DOCK1: variants seen among roughly 807,000 people sequenced by gnomAD.
DOCK1 encodes the protein dedicator of cytokinesis protein 1.
DOCK1 carries 138 observed loss-of-function variants against 262.7 expected under a neutral mutation model. The observed-to-expected ratio is 0.53, with a 90% CI of 0.46 to 0.61. The LOEUF (loss-of-function observed/expected upper bound fraction) is 0.61. Ranked by LOEUF, DOCK1 falls within the 20% of genes least tolerant of loss-of-function variation. The pLI is 0.00. For synonymous variants in DOCK1, 866 were observed against 867.4 expected (o/e 1.00, Z 0.03); for missense variants, 1,908 against 2,370.7 (o/e 0.80, Z 4.05).
At chr10:126,911,398 C>T (rs181670122) in intron 1 of DOCK1, among the ~76,000 whole-genome samples, 22 of 152,192 alleles carry the variant, frequency 1.4e-4, no homozygotes, top group African/African-American at 3.9e-4. Flanking sequence ...GTGAAATTGT[C>T]CAGTGTATTC....
chr10:127,093,010 G>A lies in DOCK1; in HGVS notation c.2446-13221G>A, dbSNP rs534367700. Reference sequence around the variant, plus strand: ...CTGGAGGCCAGAAGTCCAAGAGCAAGGCATCACCAGGGCCGTGCCCTCTCT... The same window carrying A: ...CTGGAGGCCAGAAGTCCAAGAGCAAAGCATCACCAGGGCCGTGCCCTCTCT... On this transcript the variant is annotated intron_variant, in intron 23 of 51. Coordinates refer to ENST00000623213, the MANE Select transcript of DOCK1 (RefSeq NM_001290223.2). Among the ~76,000 whole-genome samples, 17 of 152,140 alleles carry A rather than the reference G, an allele frequency of 1.1e-4. No individual in the cohort carries two copies. The East Asian group carries it at 3.1e-3, about 28-fold the overall frequency.
At chr10:126,915,676 C>A (rs1315232921) in intron 1 of DOCK1, among the ~76,000 whole-genome samples, 1 of 152,218 alleles carries the variant, frequency 6.6e-6, no homozygotes, top group East Asian at 1.9e-4. Flanking sequence ...TGGTCTCGAT[C>A]TCCTGACCTC....
intron 25 of DOCK1, among the ~76,000 whole-genome samples, chr10:127,111,800 A>G (rs779830458): frequency 6.6e-6 from 1 of 152,162 alleles, no homozygotes; most frequent in African/African-American, 2.4e-5. Context: ...ATCTTCATCA[A>G]ATTAACAGCT....
At chr10:126,952,265 A>G (rs2036317463) in intron 1 of DOCK1, among the ~76,000 whole-genome samples, 1 of 151,842 alleles carries the variant, frequency 6.6e-6, no homozygotes, top group South Asian at 2.1e-4. Context: ...TGGTAATAGC[A>G]TTGTTATTGT....
intron 27 of DOCK1, among the ~76,000 whole-genome samples, chr10:127,170,609 G>C (rs1052454698): frequency 1.6e-5 from 2 of 127,776 alleles, no homozygotes; most frequent in Non-Finnish European, 3.5e-5. Context: ...GTAGTTGCTG[G>C]TGAGTTTACC....
chr10:127,073,478 T>A (rs1049963862), intron 23 of DOCK1, among the ~76,000 whole-genome samples: 3 of 152,220 alleles, frequency 2.0e-5, no homozygotes, highest in African/African-American at 7.2e-5. Flanking sequence ...AATTGATTCA[T>A]GTAGTTTGGG....
intron 27 of DOCK1, among the ~76,000 whole-genome samples, chr10:127,210,731 C>T (rs2057937108): frequency 6.6e-6 from 1 of 152,148 alleles, no homozygotes; most frequent in Non-Finnish European, 1.5e-5. Flanking sequence ...CCCCCTGCCT[C>T]TTTTTGTTTT....
intron 27 of DOCK1, among the ~76,000 whole-genome samples, chr10:127,131,787 G>A (rs2050342502): frequency 6.6e-6 from 1 of 152,168 alleles, no homozygotes; most frequent in Non-Finnish European, 1.5e-5. Context: ...GTAGAAAATA[G>A]TTCATAGGTC....
At chr10:127,024,371 T>C (rs984036252) in intron 14 of DOCK1, among the ~76,000 whole-genome samples, 1 of 152,166 alleles carries the variant, frequency 6.6e-6, no homozygotes, top group Non-Finnish European at 1.5e-5. Flanking sequence ...ACCCTAGACC[T>C]ATGGGACGGA....
chr10:127,172,787 G>GT (rs1471314458), intron 27 of DOCK1, among the ~76,000 whole-genome samples: 1 of 152,156 alleles, frequency 6.6e-6, no homozygotes, highest in Non-Finnish European at 1.5e-5. Context: ...TTGATTTAAG[G>GT]TGCCCAAGTC....
At chr10:127,285,691 A>G (rs1382765081) in intron 29 of DOCK1, among the ~76,000 whole-genome samples, 1 of 152,244 alleles carries the variant, frequency 6.6e-6, no homozygotes, top group East Asian at 1.9e-4. Flanking sequence ...CGCCAAGGTC[A>G]TGCCATCTTC....
intron 27 of DOCK1, among the ~76,000 whole-genome samples, chr10:127,181,341 G>T (rs1475405022): frequency 6.6e-6 from 1 of 152,192 alleles, no homozygotes; most frequent in African/African-American, 2.4e-5. Flanking sequence ...GCAATTTTGT[G>T]GGGTTCCATT....
Position 127,410,926 on chromosome 10 carries a change from TA to T in DOCK1, c.4428+8del. 2 of 1,612,348 alleles carry T rather than the reference TA, an allele frequency of 1.2e-6. No individual in the cohort carries two copies. The highest frequency in any genetic ancestry group is 1.7e-6 in the Non-Finnish European group (2 of 1,179,390). ...AAAAACCCAGACAATGAATTTGCGG[TA>T]AAAAACAAACAAACCACCAAACCAA... On this transcript the variant is annotated splice_donor_region_variant and intron_variant, in intron 43 of 51. Coordinates refer to ENST00000623213, the MANE Select transcript of DOCK1 (RefSeq NM_001290223.2).
At chr10:126,941,128 G>A (rs921838674) in intron 1 of DOCK1, among the ~76,000 whole-genome samples, 2 of 152,078 alleles carry the variant, frequency 1.3e-5, no homozygotes, top group African/African-American at 2.4e-5. Flanking sequence ...AAATGTGCTC[G>A]GTTGGTTTAT....
intron 27 of DOCK1, among the ~76,000 whole-genome samples, chr10:127,200,948 A>G (rs939270752): frequency 6.6e-6 from 1 of 152,186 alleles, no homozygotes; most frequent in African/African-American, 2.4e-5. Context: ...GCATATTCCA[A>G]AGAGACTCAT....
intron 6 of DOCK1, among the ~76,000 whole-genome samples, chr10:126,994,741 A>G (rs2040044468): frequency 6.6e-6 from 1 of 152,206 alleles, no homozygotes; most frequent in Admixed American, 6.5e-5. Flanking sequence ...CACAGTAACA[A>G]TCTGATCTCT....
At chr10:127,266,212 C>G (rs949321165) in intron 29 of DOCK1, among the ~76,000 whole-genome samples, 3 of 152,192 alleles carry the variant, frequency 2.0e-5, no homozygotes, top group African/African-American at 7.2e-5. Context: ...ATTCTTTGTG[C>G]AGGTTGAAAT....
chr10:126,931,246 CA>C (rs1399829706), intron 1 of DOCK1, among the ~76,000 whole-genome samples: 2 of 152,038 alleles, frequency 1.3e-5, no homozygotes, highest in Non-Finnish European at 2.9e-5. Context: ...GGATAGAAGC[CA>C]GGGGGAGAAG....
chr10:126,908,266 G>A (rs3934673), intron 1 of DOCK1, among the ~76,000 whole-genome samples: 1 of 152,300 alleles, frequency 6.6e-6, no homozygotes, highest in South Asian at 2.1e-4. Flanking sequence ...CTGGGATGTA[G>A]GGATTTATTG....
Sources: gnomAD v4.1 joint callset for allele counts (sites outside exome capture counted in the v4.1 genomes callset) on GRCh38, gnomAD v4.1.1 for gene constraint, MANE v1.5 for transcripts, NCBI Gene and HGNC (gene_info 2026-07-23, HGNC 2026-07-21) for gene names.